Variants in DLGAP1 observed in about 807,000 individuals in gnomAD.
DLGAP1 encodes DLG associated protein 1, also known as disks large-associated protein 1.
Under a neutral mutation model 90.8 loss-of-function variants are expected in DLGAP1, and 11 were observed. That is an observed-to-expected ratio of 0.12 (90% confidence interval 0.08 to 0.20). The LOEUF is 0.20. DLGAP1 is among the 10% of genes least tolerant of loss of function. The pLI is 1.00. For synonymous variants in DLGAP1, 558 were observed against 540.7 expected (o/e 1.03, Z -0.44); for missense variants, 1,050 against 1,333.8 (o/e 0.79, Z 3.31).
intron 2 of DLGAP1, among the ~76,000 whole-genome samples, chr18:4,045,432 C>CAAA (rs763466156): frequency 0.028 from 818 of 29,206 alleles, 101 homozygotes; most frequent in Non-Finnish European, 0.033. Context: ...CCCATCTCTA[C>CAAA]AAAAAAAAAA....
chr18:3,662,831 T>G (rs1258631193), intron 7 of DLGAP1, among the ~76,000 whole-genome samples: 1 of 152,258 alleles, frequency 6.6e-6, no homozygotes, highest in African/African-American at 2.4e-5. Context: ...CAAGCACTTA[T>G]CCCATCCCTG....
intron 5 of DLGAP1, among the ~76,000 whole-genome samples, chr18:3,808,879 C>T (rs188361220): frequency 7.2e-5 from 11 of 152,208 alleles, no homozygotes; most frequent in Admixed American, 2.6e-4. Context: ...GGGCTCCTCA[C>T]GTAGAAATCA....
chr18:4,355,505 G>T (rs1030028287), intron 1 of DLGAP1, among the ~76,000 whole-genome samples: 4 of 152,158 alleles, frequency 2.6e-5, no homozygotes, highest in South Asian at 2.1e-4. Context: ...GTTACGGAAG[G>T]TTCTGGATCT....
At chr18:4,224,085 G>A (rs1238978891) in intron 1 of DLGAP1, among the ~76,000 whole-genome samples, 1 of 152,112 alleles carries the variant, frequency 6.6e-6, no homozygotes, top group Non-Finnish European at 1.5e-5. Flanking sequence ...ACAAAACCTG[G>A]GCCAGAAGGG....
intron 2 of DLGAP1, among the ~76,000 whole-genome samples, chr18:4,114,056 C>CTTTTTTTT: frequency 9.4e-6 from 1 of 106,910 alleles, no homozygotes; most frequent in Non-Finnish European, 1.9e-5. Flanking sequence ...ATGCCTCTGG[C>CTTTTTTTT]TTTTTTTTTT....
chr18:4,372,341 T>C (rs1295317938), intron 1 of DLGAP1, among the ~76,000 whole-genome samples: 1 of 152,202 alleles, frequency 6.6e-6, no homozygotes, highest in East Asian at 1.9e-4. Context: ...ACAGGCACTA[T>C]GGAAGGCAGT....
At chr18:4,117,158 T>C (rs77903969) in intron 2 of DLGAP1, among the ~76,000 whole-genome samples, 6,126 of 152,224 alleles carry the variant, frequency 0.04, 440 homozygotes, top group African/African-American at 0.14. Context: ...GAGGTGGCCA[T>C]CTACAAGTTA....
chr18:3,597,268 A>C (rs766096760), intron 7 of DLGAP1: 2 of 495,368 alleles, frequency 4.0e-6, no homozygotes, highest in Non-Finnish European at 7.9e-6. Flanking sequence ...TGGAGACAGG[A>C]ATAAAAGGAA....
At chr18:4,174,740 A>C (rs1391406362) in intron 1 of DLGAP1, among the ~76,000 whole-genome samples, 4 of 152,090 alleles carry the variant, frequency 2.6e-5, no homozygotes, top group Non-Finnish European at 1.5e-5. Context: ...GCATCTATTG[A>C]CCTGTCATCT....
intron 1 of DLGAP1, among the ~76,000 whole-genome samples, chr18:4,333,818 T>C (rs900387486): frequency 6.6e-6 from 1 of 151,032 alleles, no homozygotes; most frequent in Non-Finnish European, 1.5e-5. Flanking sequence ...TCCAGGATGG[T>C]CTCTATCTCC....
intron 4 of DLGAP1, among the ~76,000 whole-genome samples, chr18:3,852,905 A>T (rs1011441816): frequency 6.6e-6 from 1 of 152,002 alleles, no homozygotes; most frequent in Admixed American, 6.6e-5. Flanking sequence ...TAAGTTTATT[A>T]AGAATTTTTA....
intron 1 of DLGAP1, among the ~76,000 whole-genome samples, chr18:4,419,386 A>G (rs1163268696): frequency 6.6e-6 from 1 of 152,180 alleles, no homozygotes; most frequent in African/African-American, 2.4e-5. Flanking sequence ...AACTGAAATA[A>G]TTAATTGCCA....
chr18:3,901,263 C>T (rs1350827435), intron 3 of DLGAP1, among the ~76,000 whole-genome samples: 2 of 152,172 alleles, frequency 1.3e-5, no homozygotes, highest in Non-Finnish European at 2.9e-5. Flanking sequence ...TTAACTGCTC[C>T]TCTGCCCACC....
intron 1 of DLGAP1, among the ~76,000 whole-genome samples, chr18:4,442,635 C>T (rs866469981): frequency 6.6e-6 from 1 of 152,142 alleles, no homozygotes; most frequent in Non-Finnish European, 1.5e-5. Context: ...AGTAGCTTCA[C>T]ACCTCTTTTC....
At chr18:4,041,500 A>G (rs2074974299) in intron 2 of DLGAP1, among the ~76,000 whole-genome samples, 2 of 152,176 alleles carry the variant, frequency 1.3e-5, no homozygotes, top group African/African-American at 4.8e-5. Flanking sequence ...TCTTTCTTTT[A>G]TAACTGACCT....
intron 5 of DLGAP1, among the ~76,000 whole-genome samples, chr18:3,777,405 T>G (rs919963178): frequency 6.6e-6 from 1 of 152,122 alleles, no homozygotes; most frequent in Non-Finnish European, 1.5e-5. Flanking sequence ...CTGAATATGT[T>G]AGAGACAAAA....
chr18:3,578,663 T>C (rs1364282145), intron 8 of DLGAP1, among the ~76,000 whole-genome samples: 1 of 151,830 alleles, frequency 6.6e-6, no homozygotes, highest in African/African-American at 2.4e-5. Flanking sequence ...CCATTTTTTT[T>C]TTTTCTTATT....
chr18:3,949,688 A>G (rs758528005), intron 3 of DLGAP1, among the ~76,000 whole-genome samples: 4 of 152,184 alleles, frequency 2.6e-5, no homozygotes, highest in South Asian at 2.1e-4. Flanking sequence ...AGTTGACCCA[A>G]TATAATGTGC....
intron 7 of DLGAP1, among the ~76,000 whole-genome samples, chr18:3,620,149 G>A (rs1447524366): frequency 1.3e-5 from 2 of 152,114 alleles, no homozygotes; most frequent in African/African-American, 4.8e-5. Context: ...ACCTGAATGG[G>A]CCCAAAGTCA....
Sources: allele counts gnomAD v4.1 joint callset (sites outside exome capture counted in the v4.1 genomes callset), GRCh38; gene constraint gnomAD v4.1.1; transcripts MANE v1.5; gene names NCBI Gene and HGNC (gene_info 2026-07-23, HGNC 2026-07-21).